The following LHFPL3 variants were observed in gnomAD, a reference collection of about 807,000 sequenced individuals.
The protein encoded by LHFPL3 is LHFPL tetraspan subfamily member 3.
Under a neutral mutation model 19.3 loss-of-function variants are expected in LHFPL3, and 5 were observed. That is an observed-to-expected ratio of 0.26 (90% confidence interval 0.14 to 0.54). The LOEUF is 0.54. LHFPL3 is among the 20% of genes least tolerant of loss of function. The pLI, the probability that LHFPL3 is intolerant of heterozygous loss-of-function variation, is 0.94. For missense variants in LHFPL3, 249 were observed against 307.4 expected, an observed-to-expected ratio of 0.81 and a Z score of 1.42; for synonymous variants, 133 against 126.2, an observed-to-expected ratio of 1.05 and a Z score of -0.36.
intron 1 of LHFPL3, among the ~76,000 whole-genome samples, chr7:104,538,260 C>A (rs1794423929): frequency 6.6e-6 from 1 of 152,118 alleles, no homozygotes; most frequent in Non-Finnish European, 1.5e-5. Context: ...AGAAATGTGT[C>A]CTTAGATTAA....
chr7:104,331,407 G>A (rs1270782020), intron 1 of LHFPL3, among the ~76,000 whole-genome samples: 1 of 152,038 alleles, frequency 6.6e-6, no homozygotes, highest in African/African-American at 2.4e-5. Context: ...CAATTATTTG[G>A]CATTTTATTT....
chr7:104,430,405 C>T (rs6963057), intron 1 of LHFPL3, among the ~76,000 whole-genome samples: 957 of 21,596 alleles, frequency 0.044, 34 homozygotes, highest in Middle Eastern at 0.069. Context: ...TATATATATA[C>T]ATATATATAT....
intron 2 of LHFPL3, among the ~76,000 whole-genome samples, chr7:104,858,623 G>A (rs193161611): frequency 1.3e-3 from 203 of 152,200 alleles, no homozygotes; most frequent in Non-Finnish European, 2.3e-3. Context: ...CCCCTGCTGG[G>A]ATAAAACTCA....
intron 1 of LHFPL3, among the ~76,000 whole-genome samples, chr7:104,647,391 C>G (rs1235427995): frequency 6.6e-6 from 1 of 152,164 alleles, no homozygotes; most frequent in Non-Finnish European, 1.5e-5. Flanking sequence ...GAAAAGTATT[C>G]ATCCAGCCTC....
chr7:104,794,465 AAAG>A (rs768874250), intron 2 of LHFPL3, among the ~76,000 whole-genome samples: 2 of 152,216 alleles, frequency 1.3e-5, no homozygotes, highest in Non-Finnish European at 2.9e-5. Flanking sequence ...TGTTGATAGC[AAAG>A]AAGTAGAATT....
At chr7:104,396,107 A>G (rs10953432) in intron 1 of LHFPL3, among the ~76,000 whole-genome samples, 58,607 of 151,918 alleles carry the variant, frequency 0.39, 11,727 homozygotes, top group Admixed American at 0.5. Flanking sequence ...TTCACATGGT[A>G]GAAAAGATGG....
intron 2 of LHFPL3, among the ~76,000 whole-genome samples, chr7:104,814,843 C>T (rs545727731): frequency 6.6e-6 from 1 of 152,358 alleles, no homozygotes; most frequent in African/African-American, 2.4e-5. Flanking sequence ...CCTGACTTTA[C>T]TCTGAGATCA....
intron 1 of LHFPL3, among the ~76,000 whole-genome samples, chr7:104,363,491 G>C (rs1346643310): frequency 6.6e-6 from 1 of 152,266 alleles, no homozygotes; most frequent in Non-Finnish European, 1.5e-5. Flanking sequence ...TGCGCATGCA[G>C]GTGATGAGGT....
intron 1 of LHFPL3, among the ~76,000 whole-genome samples, chr7:104,585,970 G>A (rs925950869): frequency 6.6e-6 from 1 of 152,050 alleles, no homozygotes; most frequent in Admixed American, 6.6e-5. Flanking sequence ...TTACCTTAAA[G>A]TTCATGCAGT....
At chr7:104,741,947 G>A (rs527758542) in intron 2 of LHFPL3, among the ~76,000 whole-genome samples, 1 of 152,258 alleles carries the variant, frequency 6.6e-6, no homozygotes, top group East Asian at 1.9e-4. Flanking sequence ...TGGCTCTGGG[G>A]CTGATCATGG....
chr7:104,476,485 G>A (rs1232719502), intron 1 of LHFPL3, among the ~76,000 whole-genome samples: 1 of 150,508 alleles, frequency 6.6e-6, no homozygotes, highest in East Asian at 1.9e-4. Context: ...TTGAGATGAA[G>A]TTTTGCTCTT....
intron 1 of LHFPL3, among the ~76,000 whole-genome samples, chr7:104,547,494 T>C (rs1168915224): frequency 6.6e-6 from 1 of 152,006 alleles, no homozygotes; most frequent in Non-Finnish European, 1.5e-5. Context: ...AGTGATGTAG[T>C]CCAGGGTGAT....
chr7:104,878,066 C>G (rs1791982434), intron 2 of LHFPL3, among the ~76,000 whole-genome samples: 1 of 152,062 alleles, frequency 6.6e-6, no homozygotes, highest in Non-Finnish European at 1.5e-5. Flanking sequence ...AACTCCTGAG[C>G]TCAGGCAATT....
chr7:104,480,201 C>A (rs1793104103), intron 1 of LHFPL3, among the ~76,000 whole-genome samples: 1 of 152,198 alleles, frequency 6.6e-6, no homozygotes, highest in African/African-American at 2.4e-5. Context: ...CTTCTCTGAG[C>A]CTCTTCCTTT....
intron 1 of LHFPL3, among the ~76,000 whole-genome samples, chr7:104,386,219 C>T (rs1423558478): frequency 6.6e-6 from 1 of 152,144 alleles, no homozygotes; most frequent in East Asian, 1.9e-4. Context: ...TCAAAAAGTC[C>T]CATTCCCAGG....
At chr7:104,835,856 T>A (rs774773754) in intron 2 of LHFPL3, among the ~76,000 whole-genome samples, 1 of 151,960 alleles carries the variant, frequency 6.6e-6, no homozygotes, top group Non-Finnish European at 1.5e-5. Flanking sequence ...GCTGCACTTA[T>A]GAACCTGTCA....
intron 2 of LHFPL3, among the ~76,000 whole-genome samples, chr7:104,884,897 G>C (rs953329428): frequency 6.6e-6 from 1 of 152,186 alleles, no homozygotes; most frequent in Non-Finnish European, 1.5e-5. Context: ...ACACCAATTG[G>C]TGGAGAGAAG....
intron 1 of LHFPL3, among the ~76,000 whole-genome samples, chr7:104,698,332 C>T (rs1296480740): frequency 6.6e-6 from 1 of 152,130 alleles, no homozygotes; most frequent in Non-Finnish European, 1.5e-5. Flanking sequence ...ATAAACTTAC[C>T]AATTAAAGTT....
At chr7:104,435,682 T>G (rs1347957765) in intron 1 of LHFPL3, among the ~76,000 whole-genome samples, 1 of 152,100 alleles carries the variant, frequency 6.6e-6, no homozygotes, top group Non-Finnish European at 1.5e-5. Context: ...GGCCCCTTGC[T>G]TGGGTTGTTG....
Sources: gnomAD v4.1 joint callset for allele counts (sites outside exome capture counted in the v4.1 genomes callset) on GRCh38, gnomAD v4.1.1 for gene constraint, MANE v1.5 for transcripts, NCBI Gene and HGNC (gene_info 2026-07-23, HGNC 2026-07-21) for gene names.